The following PTPRD variants were observed in gnomAD, a reference collection of about 807,000 sequenced individuals.
PTPRD encodes the protein protein tyrosine phosphatase receptor type D.
In PTPRD, 34 loss-of-function variants were observed where a neutral mutation model predicts 214.5. That is an observed-to-expected ratio of 0.16 (90% CI 0.12 to 0.21). The LOEUF is 0.21. Ranked by LOEUF, PTPRD falls within the 10% of genes least tolerant of loss-of-function variation. The pLI is 1.00. For missense variants in PTPRD, 2,545 were observed against 2,398.7 expected, an observed-to-expected ratio of 1.06 and a Z score of -1.27; for synonymous variants, 1,128 against 845.7, an observed-to-expected ratio of 1.33 and a Z score of -5.79.
chr9:8,349,349 A>G (rs1262830112), intron 39 of PTPRD, among the ~76,000 whole-genome samples: 1 of 152,140 alleles, frequency 6.6e-6, no homozygotes, highest in East Asian at 1.9e-4. Flanking sequence ...TTCCCACAGC[A>G]GCATATATTT....
chr9:9,025,992 A>G (rs1367390343), intron 10 of PTPRD, among the ~76,000 whole-genome samples: 1 of 151,898 alleles, frequency 6.6e-6, no homozygotes, highest in African/African-American at 2.4e-5. Flanking sequence ...TAAATGACAA[A>G]GAAAGAAAGA....
At chr9:9,538,236 T>A (rs944128732) in intron 8 of PTPRD, among the ~76,000 whole-genome samples, 4 of 152,046 alleles carry the variant, frequency 2.6e-5, no homozygotes, top group Admixed American at 6.6e-5. Flanking sequence ...CTTCAGGGGA[T>A]AAAAACCCTC....
intron 35 of PTPRD, among the ~76,000 whole-genome samples, chr9:8,418,414 T>C (rs1422252967): frequency 6.6e-6 from 1 of 152,144 alleles, no homozygotes. Flanking sequence ...CTTGTAAAGT[T>C]GTTTGAATTC....
chr9:9,584,359 C>CATTATTATTATTATTATTATTATTATT (rs565638451), intron 7 of PTPRD, among the ~76,000 whole-genome samples: 31 of 149,144 alleles, frequency 2.1e-4, no homozygotes, highest in African/African-American at 7.4e-4. Flanking sequence ...ATTTCATCAC[C>CATTATTATTATTATTATTATTATTATT]ATTATTATTA....
intron 11 of PTPRD, among the ~76,000 whole-genome samples, chr9:8,952,185 G>C (rs1175958680): frequency 6.6e-6 from 1 of 151,614 alleles, no homozygotes; most frequent in African/African-American, 2.4e-5. Flanking sequence ...TTACTTTTTT[G>C]CTTTGTTTTG....
intron 9 of PTPRD, among the ~76,000 whole-genome samples, chr9:9,314,076 G>T (rs561426428): frequency 5.9e-5 from 9 of 152,196 alleles, no homozygotes; most frequent in African/African-American, 2.2e-4. Context: ...CCTGCCTATT[G>T]TCAGTACTAG....
At chr9:9,871,777 G>A (rs895041282) in intron 5 of PTPRD, among the ~76,000 whole-genome samples, 1 of 148,688 alleles carries the variant, frequency 6.7e-6, no homozygotes, top group East Asian at 2.0e-4. Context: ...ATGGGCAGAG[G>A]GTAAGCAACC....
At chr9:9,641,296 G>A (rs2095940370) in intron 7 of PTPRD, among the ~76,000 whole-genome samples, 1 of 152,126 alleles carries the variant, frequency 6.6e-6, no homozygotes, top group African/African-American at 2.4e-5. Context: ...ATCTTTAATT[G>A]TAAATGCAGC....
intron 11 of PTPRD, among the ~76,000 whole-genome samples, chr9:8,774,263 T>C (rs2095366895): frequency 1.3e-5 from 2 of 152,246 alleles, no homozygotes; most frequent in South Asian, 2.1e-4. Context: ...ATATCTTTTT[T>C]AGGTAGCATA....
intron 11 of PTPRD, among the ~76,000 whole-genome samples, chr9:8,964,701 C>G (rs530952780): frequency 6.6e-6 from 1 of 152,066 alleles, no homozygotes; most frequent in South Asian, 2.1e-4. Flanking sequence ...GAACTATAAA[C>G]TTTCCTCTTA....
intron 3 of PTPRD, among the ~76,000 whole-genome samples, chr9:10,048,089 G>T (rs2097441407): frequency 4.6e-5 from 7 of 152,174 alleles, no homozygotes; most frequent in Admixed American, 4.6e-4. Context: ...CTGCAAAGCA[G>T]AAAACATATA....
At chr9:8,949,138 C>T (rs1588678165) in intron 11 of PTPRD, among the ~76,000 whole-genome samples, 2 of 150,482 alleles carry the variant, frequency 1.3e-5, no homozygotes, top group South Asian at 2.1e-4. Context: ...GCAGGAGAAT[C>T]GCTTGAACCC....
chr9:10,425,429 C>A (rs1157528749), intron 2 of PTPRD, among the ~76,000 whole-genome samples: 2 of 151,856 alleles, frequency 1.3e-5, no homozygotes, highest in Non-Finnish European at 2.9e-5. Context: ...CATAGAGCAA[C>A]CTTTCTCTCT....
At chr9:10,200,811 A>T (rs774591696) in intron 3 of PTPRD, among the ~76,000 whole-genome samples, 8 of 152,130 alleles carry the variant, frequency 5.3e-5, no homozygotes, top group Non-Finnish European at 7.4e-5. Context: ...TATAAACATA[A>T]ATTGATGTCA....
chr9:9,938,885 G>C (rs191652830), intron 4 of PTPRD, among the ~76,000 whole-genome samples: 2 of 152,082 alleles, frequency 1.3e-5, no homozygotes, highest in African/African-American at 2.4e-5. Context: ...TATCCATTTG[G>C]TATAAGTAAT....
rs551928258 is a variant in PTPRD, at chr9:9,425,418, A to T, written c.-236-27936T>A. 6.5e-4 allele frequency among the ~76,000 whole-genome samples: 95 copies of T among 145,682 alleles called. 1 individual carries two copies. The Middle Eastern group carries it at 0.036, about 56-fold the overall frequency. On this transcript the variant is annotated intron_variant, in intron 8 of 45. Transcript: ENST00000381196. ...TATAATTTATAATATAAAATATATA[A>T]TATTATAATATCTTATACATTATAT...
At chr9:8,779,883 A>AT (rs2095628082) in intron 11 of PTPRD, among the ~76,000 whole-genome samples, 1 of 148,198 alleles carries the variant, frequency 6.7e-6, no homozygotes, top group Non-Finnish European at 1.5e-5. Context: ...AAGAGATGTC[A>AT]TTTATCTTAC....
chr9:9,224,067 T>G (rs2099957889), intron 9 of PTPRD, among the ~76,000 whole-genome samples: 1 of 151,988 alleles, frequency 6.6e-6, no homozygotes, highest in Non-Finnish European at 1.5e-5. Context: ...GCCAGAACAT[T>G]CTATAAAGAC....
intron 8 of PTPRD, among the ~76,000 whole-genome samples, chr9:9,517,348 AAGGGG>A (rs2096862972): frequency 6.6e-6 from 1 of 152,098 alleles, no homozygotes; most frequent in Non-Finnish European, 1.5e-5. Context: ...AAATTTTAGT[AAGGGG>A]ATAGACTTTG....
Sources: gnomAD v4.1 joint callset for allele counts (sites outside exome capture counted in the v4.1 genomes callset) on GRCh38, gnomAD v4.1.1 for gene constraint, MANE v1.5 for transcripts, NCBI Gene and HGNC (gene_info 2026-07-23, HGNC 2026-07-21) for gene names.